Variants in CSRP2 observed in about 807,000 individuals in gnomAD.
CSRP2 encodes the protein cysteine and glycine-rich protein 2.
A neutral mutation model predicts 24.6 loss-of-function variants in CSRP2; 18 were observed. The ratio of observed to expected loss-of-function variants is 0.73; its 90% CI spans 0.51 to 1.09. The LOEUF (loss-of-function observed/expected upper bound fraction) is 1.09. Ranked by LOEUF, CSRP2 falls within the 50% of genes least tolerant of loss-of-function variation. CSRP2 has a pLI of 0.00. For synonymous variants in CSRP2, 87 were observed against 84.3 expected (o/e 1.03, Z -0.18); for missense variants, 215 against 239.4 (o/e 0.90, Z 0.67).
chr12:76,861,645 G>T (rs114692455), intron 3 of CSRP2: 4,612 of 152,218 alleles, frequency 0.03, 145 homozygotes, highest in African/African-American at 0.078. Context: ...AACTCTGAGG[G>T]TGGAAGAAGC....
At chr12:76,874,299 G>A (rs1953831412) in intron 1 of CSRP2, among the ~76,000 whole-genome samples, 1 of 152,176 alleles carries the variant, frequency 6.6e-6, no homozygotes, top group Admixed American at 6.5e-5. Context: ...CCACCTTTTA[G>A]ACATGCCAGA....
At chr12:76,871,593 A>AT (rs1160543854) in intron 1 of CSRP2, among the ~76,000 whole-genome samples, 1 of 151,914 alleles carries the variant, frequency 6.6e-6, no homozygotes, top group Non-Finnish European at 1.5e-5. Context: ...ACACGGTGAA[A>AT]CCCCGTCTCT....
At chr12:76,861,769 A>G (rs188517778) in intron 3 of CSRP2, 1 of 152,216 alleles carries the variant, frequency 6.6e-6, no homozygotes, top group East Asian at 1.9e-4. Context: ...TATTTGTGTG[A>G]CCCGACTCTT....
At chr12:76,860,500 C>G (rs1359555087) in intron 3 of CSRP2, 87 bp from the exon 4 acceptor site, 2 of 1,479,782 alleles carry the variant, frequency 1.4e-6, no homozygotes, top group Non-Finnish European at 1.8e-6. Context: ...AACTCTGGGA[C>G]TTAACCGCTA....
intron 1 of CSRP2, among the ~76,000 whole-genome samples, chr12:76,868,351 G>A (rs1446286897): frequency 6.6e-6 from 1 of 152,174 alleles, no homozygotes; most frequent in African/African-American, 2.4e-5. Context: ...GGACGGACAG[G>A]GTGGGAGGTA....
intron 2 of CSRP2, 79 bp downstream of exon 2, chr12:76,866,070 A>T: frequency 9.0e-7 from 1 of 1,106,880 alleles, no homozygotes; most frequent in South Asian, 1.4e-5. Flanking sequence ...TGGCAAAACC[A>T]CAATTTTTCC....
At position 76,872,167 on chromosome 12, in the gene CSRP2, C is replaced by T. The variant is rs371650334; in HGVS notation, c.-1-5906G>A. 1.1e-4 allele frequency among the ~76,000 whole-genome samples: 17 copies of T among 152,358 alleles called. No individual in the cohort carries two copies. In the South Asian group the frequency reaches 3.1e-3, roughly 28 times the overall value. The stretch of plus-strand genomic sequence containing the variant: ...GAGTTCCAGCACTAGGATTTATCCA[C>T]TGTATTACATGTTACAACGTGATTT... On this transcript the variant is annotated intron_variant, in intron 1 of 5. Coordinates refer to ENST00000311083, the MANE Select transcript of CSRP2 (RefSeq NM_001321.3).
chr12:76,869,529 A>AACACACACACACACACACAC lies in CSRP2; in HGVS notation c.-1-3288_-1-3269dup, dbSNP rs57542492. ...GGAGCTCCTGTTCCTTAAAACAAAC[A>AACACACACACACACACACAC]ACACACACACACACACACACACACA... On this transcript the variant is annotated intron_variant, in intron 1 of 5. Coordinates refer to ENST00000311083, the MANE Select transcript of CSRP2 (RefSeq NM_001321.3). Among the ~76,000 whole-genome samples, 253 of 135,410 alleles carry AACACACACACACACACACAC rather than the reference A, an allele frequency of 1.9e-3. 2 individuals are homozygous for AACACACACACACACACACAC. The highest frequency in any genetic ancestry group is 4.3e-3 in the East Asian group (19 of 4,388). The allele number at this position is 135,410 out of a possible 152,430, so 88.8% of individuals were successfully genotyped here. A position where few individuals can be genotyped will look rare whatever the true frequency, so the allele number is the denominator to read the frequency against.
At chr12:76,862,142 C>T (rs149076041) in intron 3 of CSRP2, 1 of 152,240 alleles carries the variant, frequency 6.6e-6, no homozygotes, top group East Asian at 1.9e-4. Context: ...GTCCAAAGGC[C>T]ATTTTGTTGG....
chr12:76,861,076 C>T (rs968173423), intron 3 of CSRP2: 4 of 151,850 alleles, frequency 2.6e-5, no homozygotes, highest in Non-Finnish European at 5.9e-5. Flanking sequence ...CTGAGTAAAC[C>T]ATATTTCTTG....
intron 3 of CSRP2, 52 bp from the exon 4 acceptor site, chr12:76,860,465 T>TA (rs372796776): frequency 6.2e-7 from 1 of 1,600,490 alleles, no homozygotes; most frequent in Non-Finnish European, 8.5e-7. Context: ...AGGGCCCTTT[T>TA]AAGTACACAA....
chr12:76,875,475 C>G (rs368249947), intron 1 of CSRP2, among the ~76,000 whole-genome samples: 39 of 152,302 alleles, frequency 2.6e-4, no homozygotes, highest in Admixed American at 7.8e-4. Flanking sequence ...GCTCAGTAAC[C>G]CTGATCCCCA....
intron 3 of CSRP2, chr12:76,861,652 A>C (rs1043979923): frequency 1.3e-5 from 2 of 152,180 alleles, no homozygotes; most frequent in Non-Finnish European, 2.9e-5. Context: ...AGGGTGGAAG[A>C]AGCTCAAAGA....
At chr12:76,865,162 C>G (rs1283528304) in intron 2 of CSRP2, among the ~76,000 whole-genome samples, 2 of 152,216 alleles carry the variant, frequency 1.3e-5, no homozygotes, top group Non-Finnish European at 2.9e-5. Context: ...CAACAGCATA[C>G]ACGCATATGT....
chr12:76,868,704 G>C lies in CSRP2; in HGVS notation c.-1-2443C>G, dbSNP rs144473663. ...CTCAAGCCTGTGATCCCAGCACTTT[G>C]GGAGGCCGAGGCAGGCGGATCATGA... On this transcript the variant is annotated intron_variant, in intron 1 of 5. Coordinates refer to ENST00000311083, the MANE Select transcript of CSRP2 (RefSeq NM_001321.3). 1.4e-4 allele frequency among the ~76,000 whole-genome samples: 22 copies of C among 152,294 alleles called. No homozygotes were observed. In the East Asian group the frequency reaches 4.2e-3, roughly 29 times the overall value.
rs33997080 is a variant in CSRP2, at chr12:76,867,332, TAAAAAAAAAAAAA to T, written c.-1-1084_-1-1072del. ...AGCGAAACCCCGTCTCTGCTAAATT[TAAAAAAAAAAAAA>T]AAAAAAAAAAAAAGATTAGCCGGGT... On this transcript the variant is annotated intron_variant, in intron 1 of 5. Coordinates refer to ENST00000311083, the MANE Select transcript of CSRP2 (RefSeq NM_001321.3). Among the ~76,000 whole-genome samples, 504 of 100,162 alleles carry T rather than the reference TAAAAAAAAAAAAA, an allele frequency of 5.0e-3. 4 individuals are homozygous for T. The highest frequency in any genetic ancestry group is 0.019 in the African/African-American group (479 of 25,502). The allele number at this position is 100,162 out of a possible 152,430, so 65.7% of individuals were successfully genotyped here.
intron 3 of CSRP2, chr12:76,861,541 C>T (rs1953678700): frequency 6.6e-6 from 1 of 151,200 alleles, no homozygotes; most frequent in South Asian, 2.1e-4. Flanking sequence ...CTTTAAAACA[C>T]AAAAATAGAT....
At chr12:76,869,150 G>C (rs1455329658) in intron 1 of CSRP2, among the ~76,000 whole-genome samples, 1 of 152,020 alleles carries the variant, frequency 6.6e-6, no homozygotes, top group Admixed American at 6.6e-5. Flanking sequence ...CTGCAAAATG[G>C]TGCCTCCAAT....
intron 1 of CSRP2, among the ~76,000 whole-genome samples, chr12:76,873,580 G>A (rs766422885): frequency 1.6e-4 from 25 of 152,280 alleles, no homozygotes; most frequent in South Asian, 1.0e-3. Context: ...AAGAACACGC[G>A]TTTGGAGTCC....
Sources: gnomAD v4.1 joint callset for allele counts (sites outside exome capture counted in the v4.1 genomes callset) on GRCh38, gnomAD v4.1.1 for gene constraint, MANE v1.5 for transcripts, NCBI Gene and HGNC (gene_info 2026-07-23, HGNC 2026-07-21) for gene names.